The following ZNF521 variants were observed in gnomAD, a reference collection of about 807,000 sequenced individuals.
The protein encoded by ZNF521 is zinc finger protein 521.
In ZNF521, 14 loss-of-function variants were observed where a neutral mutation model predicts 105.5. The ratio of observed to expected loss-of-function variants is 0.13; its 90% CI spans 0.09 to 0.21. The LOEUF (loss-of-function observed/expected upper bound fraction) is 0.21, where lower values mean the gene tolerates loss of function less well. ZNF521 is among the 10% of genes least tolerant of loss of function. The pLI is 1.00. For missense variants in ZNF521, 1,233 were observed against 1,629.7 expected (o/e 0.76, Z 4.19); for synonymous variants, 635 against 606.0 (o/e 1.05, Z -0.70).
rs1048647337 is a variant in ZNF521 at position 25,224,695 on chromosome 18, G to A, written c.3223C>T (p.Arg1075Cys). The A allele has an allele frequency of 2.5e-5, 40 of 1,613,934 alleles. No homozygotes were observed. Among genetic ancestry groups the A allele is most frequent in the Non-Finnish European group, 3.2e-5 (38 of 1,180,000 alleles). The change falls in exon 4 of 8, where the codon CGT (arginine) becomes TGT (cysteine). Residue 1075 changes from arginine to cysteine, a missense_variant. Arg to Cys is a radical substitution (Grantham distance 180). This residue lies in a region of ZNF521 where 614 missense variants were observed against 751.5 expected (regional missense o/e 0.82). Coordinates refer to ENST00000361524, the MANE Select transcript of ZNF521 (RefSeq NM_015461.3). ...AGTTTCACCAGATCTTGCTTGGAAC[G>A]GAATTCTTTGAGGCAAGATGCGCAC... Reference protein sequence around the residue: ...YKCASCLKEFRSKQDLVKLDI... With the variant: ...YKCASCLKEFCSKQDLVKLDI...
At chr18:25,073,511 T>C (rs2033276687) in intron 7 of ZNF521, among the ~76,000 whole-genome samples, 1 of 152,188 alleles carries the variant, frequency 6.6e-6, no homozygotes, top group Non-Finnish European at 1.5e-5. Context: ...GAGCAGGGCA[T>C]TGATTTAAAA....
intron 5 of ZNF521, among the ~76,000 whole-genome samples, chr18:25,099,920 T>C (rs888693558): frequency 6.6e-6 from 1 of 152,168 alleles, no homozygotes; most frequent in Middle Eastern, 3.2e-3. Context: ...GTTAAATCTA[T>C]TGGGAAAACA....
chr18:25,244,910 C>A (rs1227297981), intron 3 of ZNF521, among the ~76,000 whole-genome samples: 1 of 152,176 alleles, frequency 6.6e-6, no homozygotes, highest in Non-Finnish European at 1.5e-5. Flanking sequence ...TATTTGTGGG[C>A]TAGCCTTAAA....
chr18:25,182,604 C>T (rs1045422590), intron 5 of ZNF521, among the ~76,000 whole-genome samples: 18 of 152,106 alleles, frequency 1.2e-4, no homozygotes, highest in African/African-American at 4.1e-4. Context: ...ATGTGATATA[C>T]GTAATCTCAA....
At chr18:25,345,941 T>C (rs1914441562) in intron 2 of ZNF521, among the ~76,000 whole-genome samples, 1 of 152,220 alleles carries the variant, frequency 6.6e-6, no homozygotes, top group Admixed American at 6.5e-5. Context: ...CATTTCTGTA[T>C]GCCAATTAGT....
intron 3 of ZNF521, among the ~76,000 whole-genome samples, chr18:25,311,830 T>G (rs1242773341): frequency 6.6e-6 from 1 of 152,206 alleles, no homozygotes; most frequent in Non-Finnish European, 1.5e-5. Context: ...GGCAAAACAA[T>G]TTACAGACAA....
chr18:25,113,204 C>T (rs761877652), intron 5 of ZNF521, among the ~76,000 whole-genome samples: 19 of 152,076 alleles, frequency 1.2e-4, no homozygotes, highest in African/African-American at 3.1e-4. Flanking sequence ...GTTCACTTCC[C>T]GATGCTTCCC....
chr18:25,115,074 A>C (rs1391823962), intron 5 of ZNF521, among the ~76,000 whole-genome samples: 1 of 152,172 alleles, frequency 6.6e-6, no homozygotes, highest in East Asian at 1.9e-4. Context: ...TGCCAATGGA[A>C]GGGAGTAGAA....
chr18:25,167,108 A>G (rs1567991186), intron 5 of ZNF521, among the ~76,000 whole-genome samples: 1 of 152,200 alleles, frequency 6.6e-6, no homozygotes, highest in Non-Finnish European at 1.5e-5. Context: ...AGGTGAACCT[A>G]GTTCATCTGA....
chr18:25,271,756 C>T (rs181087325), intron 3 of ZNF521, among the ~76,000 whole-genome samples: 2 of 152,232 alleles, frequency 1.3e-5, no homozygotes, highest in South Asian at 2.1e-4. Context: ...ACACCTTATA[C>T]AAAAATTAAC....
At chr18:25,232,892 C>T (rs1282736681) in intron 3 of ZNF521, among the ~76,000 whole-genome samples, 1 of 152,250 alleles carries the variant, frequency 6.6e-6, no homozygotes, top group East Asian at 1.9e-4. Context: ...TAATTGTTTA[C>T]TTCTGCCAGC....
chr18:25,349,274 T>G (rs1207783721), intron 2 of ZNF521, among the ~76,000 whole-genome samples: 1 of 152,204 alleles, frequency 6.6e-6, no homozygotes, highest in African/African-American at 2.4e-5. Flanking sequence ...GGCGCGAGCC[T>G]GGTCCACCGT....
chr18:25,194,448 C>G (rs1427603611), intron 5 of ZNF521, among the ~76,000 whole-genome samples: 1 of 151,446 alleles, frequency 6.6e-6, no homozygotes, highest in Non-Finnish European at 1.5e-5. Context: ...GGCAGTAATC[C>G]ATGAGGAATT....
intron 3 of ZNF521, among the ~76,000 whole-genome samples, chr18:25,259,060 T>C (rs1030702859): frequency 3.3e-5 from 5 of 152,124 alleles, no homozygotes; most frequent in African/African-American, 1.2e-4. Flanking sequence ...CCATAAGTAG[T>C]GGAAGATTTG....
At chr18:25,135,151 C>T (rs916690339) in intron 5 of ZNF521, among the ~76,000 whole-genome samples, 97 of 152,130 alleles carry the variant, frequency 6.4e-4, no homozygotes, top group African/African-American at 2.2e-3. Flanking sequence ...TGGCCTCTTG[C>T]TACCCAGATT....
In ZNF521 at chr18:25,224,838, T is replaced by C; in HGVS notation, c.3080A>G (p.Gln1027Arg). The change falls in exon 4 of 8, where the codon CAG becomes CGG. Residue 1027 changes from glutamine to arginine, a missense_variant. Coordinates refer to ENST00000361524, the MANE Select transcript of ZNF521 (RefSeq NM_015461.3). ...LTGFRCVVCM[Q>R]TVTSTLELKI... ...GAGTTCCAAGGTGGAGGTCACTGTC[T>C]GCATGCACACCACGCAGCGAAAGCC... The C allele has an allele frequency of 6.2e-7, 1 of 1,614,072 alleles. No homozygotes were observed. The highest frequency in any genetic ancestry group is 8.5e-7 in the Non-Finnish European group (1 of 1,180,020).
At position 25,327,412 on chromosome 18, in the gene ZNF521, C is replaced by A. The variant is rs944470824; in HGVS notation, c.41-5225G>T. ...AGTTCATATGTGTACTCACAACTAG[C>A]CTTCTAGGTTTCGTGACATATTTAG... On this transcript the variant is annotated intron_variant, in intron 2 of 7. Transcript: ENST00000361524. 24 of 1,160,174 alleles carry A rather than the reference C, an allele frequency of 2.1e-5. No homozygotes were observed. The African/African-American group carries it at 3.5e-4, about 17-fold the overall frequency. The allele number at this position is 1,160,174 out of a possible 1,614,324, so 71.9% of individuals were successfully genotyped here. A position where few individuals can be genotyped will look rare whatever the true frequency, so the allele number is the denominator to read the frequency against.
intron 3 of ZNF521, among the ~76,000 whole-genome samples, chr18:25,314,422 G>A (rs1224238893): frequency 1.3e-5 from 2 of 152,150 alleles, no homozygotes; most frequent in Admixed American, 1.3e-4. Context: ...TATTCCAGAT[G>A]TCTAAAAGTT....
intron 5 of ZNF521, among the ~76,000 whole-genome samples, chr18:25,194,119 A>G (rs1222309593): frequency 2.0e-5 from 3 of 151,766 alleles, no homozygotes; most frequent in Non-Finnish European, 4.4e-5. Flanking sequence ...TATACAATCA[A>G]ACTTATTCCC....
Sources: gnomAD v4.1 joint callset for allele counts (sites outside exome capture counted in the v4.1 genomes callset) on GRCh38, gnomAD v4.1.1 for gene constraint, gnomAD v4.1.1 regional missense constraint, MANE v1.5 for transcripts, NCBI Gene and HGNC (gene_info 2026-07-23, HGNC 2026-07-21) for gene names.